CNNM2: variants seen among roughly 807,000 people sequenced by gnomAD.
CNNM2 encodes the protein metal transporter CNNM2.
CNNM2 carries 12 observed loss-of-function variants against 66.9 expected under a neutral mutation model. That is an observed-to-expected ratio of 0.18 (90% CI 0.11 to 0.29). The LOEUF is 0.29. Ranked by LOEUF, CNNM2 falls within the 10% of genes least tolerant of loss-of-function variation. CNNM2 has a pLI of 1.00. For missense variants in CNNM2, 705 were observed against 1,167.7 expected (o/e 0.60, Z 5.77); for synonymous variants, 557 against 501.8 (o/e 1.11, Z -1.47).
chr10:103,063,810 A>C (rs2065430480), intron 4 of CNNM2, among the ~76,000 whole-genome samples: 1 of 152,198 alleles, frequency 6.6e-6, no homozygotes. Context: ...GTAAACTTAC[A>C]GATGTTTCAA....
At chr10:103,010,801 C>G (rs56399793) in intron 1 of CNNM2, among the ~76,000 whole-genome samples, 1 of 151,962 alleles carries the variant, frequency 6.6e-6, no homozygotes, top group African/African-American at 2.4e-5. Flanking sequence ...TTAGTAGAGA[C>G]AGGGTTTCAC....
chr10:103,089,610 T>C lies in CNNM2; in HGVS notation c.*12430T>C. The C allele has an allele frequency of 6.7e-7, 1 of 1,494,194 alleles. No individual in the cohort carries two copies. Among genetic ancestry groups the C allele is most frequent in the Admixed American group, 2.4e-5 (1 of 41,570 alleles). The allele number at this position is 1,494,194 out of a possible 1,614,324, so 92.6% of individuals were successfully genotyped here. ...GAGTAGAACCCTAACAGGGACCTCG[T>C]TTGTTCCTGTGAGTCCTGCCAGGAC... On this transcript the variant is annotated 3_prime_UTR_variant, in exon 8 of 8. Transcript: ENST00000369878.
At chr10:102,985,235 C>A (rs904389851) in intron 1 of CNNM2, among the ~76,000 whole-genome samples, 2 of 151,974 alleles carry the variant, frequency 1.3e-5, no homozygotes, top group African/African-American at 4.8e-5. Flanking sequence ...AATAGCGGAT[C>A]CTTTCCATCT....
intron 1 of CNNM2, among the ~76,000 whole-genome samples, chr10:103,035,867 G>C (rs977971211): frequency 3.3e-5 from 5 of 152,128 alleles, no homozygotes; most frequent in Non-Finnish European, 7.4e-5. Context: ...AAACAGTTTA[G>C]GTTTCTTTGT....
At chr10:102,934,570 C>T (rs939846764) in intron 1 of CNNM2, among the ~76,000 whole-genome samples, 1 of 152,048 alleles carries the variant, frequency 6.6e-6, no homozygotes, top group Admixed American at 6.5e-5. Flanking sequence ...CATGAGCCAC[C>T]GCGCCCAGCC....
chr10:103,041,636 C>T (rs1426056975), intron 1 of CNNM2, among the ~76,000 whole-genome samples: 4 of 152,208 alleles, frequency 2.6e-5, no homozygotes, highest in Non-Finnish European at 2.9e-5. Context: ...CAGGCCCTTC[C>T]TCCACCACAG....
intron 1 of CNNM2, among the ~76,000 whole-genome samples, chr10:103,025,714 G>A (rs907590412): frequency 2.0e-5 from 3 of 152,184 alleles, no homozygotes; most frequent in Admixed American, 2.0e-4. Flanking sequence ...TTCACTTCAA[G>A]TGGAACAAGC....
intron 1 of CNNM2, among the ~76,000 whole-genome samples, chr10:102,995,082 A>G (rs1220209826): frequency 2.3e-5 from 3 of 130,058 alleles, no homozygotes; most frequent in African/African-American, 5.8e-5. Context: ...GGCTGCCCAC[A>G]TGCGTTTGGT....
chr10:103,073,221 G>A (rs1369808723), intron 6 of CNNM2, among the ~76,000 whole-genome samples: 2 of 152,238 alleles, frequency 1.3e-5, no homozygotes. Flanking sequence ...GGGCAGTGGG[G>A]CGAGAGGAAG....
rs972487364 is a variant in CNNM2 at position 103,089,648 on chromosome 10, T to A, written c.*12468T>A. The A allele has an allele frequency of 1.3e-6, 2 of 1,569,334 alleles. No homozygotes were observed. Among genetic ancestry groups the A allele is most frequent in the Non-Finnish European group, 1.7e-6 (2 of 1,157,784 alleles). On this transcript the variant is annotated 3_prime_UTR_variant, in exon 8 of 8. Coordinates refer to ENST00000369878, the MANE Select transcript of CNNM2 (RefSeq NM_017649.5). ...GTCCTGCCAGGACTTGTTTAATGGG[T>A]GCTTGGGGTTTTGGTTTTCCTCCTT...
intron 1 of CNNM2, among the ~76,000 whole-genome samples, chr10:102,996,523 A>G (rs2064007296): frequency 6.6e-6 from 1 of 152,182 alleles, no homozygotes; most frequent in South Asian, 2.1e-4. Flanking sequence ...TGGGCAACAT[A>G]GGGAGACCTT....
chr10:103,013,916 G>C (rs893330318), intron 1 of CNNM2, among the ~76,000 whole-genome samples: 5 of 152,174 alleles, frequency 3.3e-5, no homozygotes, highest in Admixed American at 1.3e-4. Flanking sequence ...TCTAGATCTA[G>C]GGTCAAGATT....
chr10:103,001,715 TA>T (rs1055467824), intron 1 of CNNM2, among the ~76,000 whole-genome samples: 55 of 152,196 alleles, frequency 3.6e-4, no homozygotes, highest in African/African-American at 1.3e-3. Context: ...ACTAAAGCTA[TA>T]AAACAGGCCA....
intron 1 of CNNM2, among the ~76,000 whole-genome samples, chr10:102,949,432 C>T (rs575814826): frequency 6.6e-6 from 1 of 151,862 alleles, no homozygotes; most frequent in South Asian, 2.1e-4. Flanking sequence ...GCCTCAGCCT[C>T]CCAAAGTGCT....
At chr10:103,003,327 T>C (rs1590378375) in intron 1 of CNNM2, among the ~76,000 whole-genome samples, 1 of 152,062 alleles carries the variant, frequency 6.6e-6, no homozygotes, top group Non-Finnish European at 1.5e-5. Context: ...TTGGCCAAGC[T>C]GGTCGCCAAC....
At chr10:103,033,105 A>G (rs2064860639) in intron 1 of CNNM2, among the ~76,000 whole-genome samples, 1 of 151,320 alleles carries the variant, frequency 6.6e-6, no homozygotes, top group African/African-American at 2.4e-5. Flanking sequence ...GTGACAGAGT[A>G]AGACCCTGTC....
At chr10:102,989,246 G>A (rs907224623) in intron 1 of CNNM2, among the ~76,000 whole-genome samples, 1 of 152,126 alleles carries the variant, frequency 6.6e-6, no homozygotes, top group Non-Finnish European at 1.5e-5. Context: ...TATCTTTTCA[G>A]CCATCCGAAC....
intron 1 of CNNM2, among the ~76,000 whole-genome samples, chr10:102,943,320 TG>T (rs1564815102): frequency 6.6e-6 from 1 of 152,056 alleles, no homozygotes; most frequent in Non-Finnish European, 1.5e-5. Context: ...CCCAGCTCCT[TG>T]GGAGGCTGAG....
chr10:103,064,059 TG>T (rs1190385278), intron 4 of CNNM2, among the ~76,000 whole-genome samples: 1 of 152,172 alleles, frequency 6.6e-6, no homozygotes. Context: ...AGGGATGTAG[TG>T]GGGTGGGCAG....
Sources: gnomAD v4.1 joint callset for allele counts (sites outside exome capture counted in the v4.1 genomes callset) on GRCh38, gnomAD v4.1.1 for gene constraint, MANE v1.5 for transcripts, NCBI Gene and HGNC (gene_info 2026-07-23, HGNC 2026-07-21) for gene names.